The following MYO1B variants were observed in gnomAD, a reference collection of about 807,000 sequenced individuals.
The protein encoded by MYO1B is unconventional myosin-Ib.
Under a neutral mutation model 159.7 loss-of-function variants are expected in MYO1B, and 72 were observed. The observed-to-expected ratio is 0.45, with a 90% CI of 0.37 to 0.55. MYO1B has a LOEUF of 0.55. Ranked by LOEUF, MYO1B falls within the 20% of genes least tolerant of loss-of-function variation. The pLI, the probability that MYO1B is intolerant of heterozygous loss-of-function variation, is 0.00. For missense variants in MYO1B, 1,062 were observed against 1,364.8 expected (o/e 0.78, Z 3.50); for synonymous variants, 468 against 473.8 (o/e 0.99, Z 0.16).
intron 13 of MYO1B, among the ~76,000 whole-genome samples, chr2:191,371,268 C>G (rs1694346491): frequency 6.6e-6 from 1 of 152,060 alleles, no homozygotes; most frequent in South Asian, 2.1e-4. Flanking sequence ...TTTACATGTT[C>G]TAAAAAATTA....
At chr2:191,406,073 C>T (rs76663297) in intron 24 of MYO1B, among the ~76,000 whole-genome samples, 1,542 of 152,302 alleles carry the variant, frequency 0.01, 61 homozygotes, top group Admixed American at 0.076. Context: ...TTCTGGATAA[C>T]TTTCTGCAGC....
intron 3 of MYO1B, among the ~76,000 whole-genome samples, chr2:191,319,212 T>G (rs1236685091): frequency 1.3e-5 from 2 of 152,164 alleles, no homozygotes; most frequent in African/African-American, 2.4e-5. Context: ...CAGAACAGAC[T>G]TGGCATCTTG....
In MYO1B at chr2:191,400,438, G is replaced by A. The variant is rs767501354; in HGVS notation, c.2352G>A (p.Thr784=). 3.1e-6 allele frequency: 5 copies of A among 1,613,918 alleles called. No individual in the cohort carries two copies. The highest frequency in any genetic ancestry group is 3.4e-6 in the Non-Finnish European group (4 of 1,180,030). The change falls in exon 22 of 31, where the codon ACG becomes ACA. Residue 784 remains threonine (T), a synonymous_variant. Coordinates refer to ENST00000392318, the MANE Select transcript of MYO1B (RefSeq NM_001130158.3). ...AAAAGCGCTGTAAGGAAGCAGTCACGACCATTGCTGCATATTGGCATGGGA... is the reference window on the plus strand; with the variant it reads ...AAAAGCGCTGTAAGGAAGCAGTCACAACCATTGCTGCATATTGGCATGGGA... ...KHQKRCKEAV[T]TIAAYWHGTQ...
intron 3 of MYO1B, among the ~76,000 whole-genome samples, chr2:191,316,876 G>A (rs1450779004): frequency 6.6e-6 from 1 of 152,204 alleles, no homozygotes; most frequent in Non-Finnish European, 1.5e-5. Flanking sequence ...CAGTCTTCTA[G>A]CAATTTAATT....
intron 4 of MYO1B, 27 bp downstream of exon 4, chr2:191,330,056 A>C (rs987004739): frequency 6.3e-7 from 1 of 1,596,094 alleles, no homozygotes; most frequent in Admixed American, 1.7e-5. Flanking sequence ...GCAACTCTGC[A>C]GAAGGTAAAT....
At chr2:191,300,110 G>C (rs1372049360) in intron 3 of MYO1B, among the ~76,000 whole-genome samples, 1 of 152,046 alleles carries the variant, frequency 6.6e-6, no homozygotes, top group Middle Eastern at 3.2e-3. Context: ...TTTGAAACAG[G>C]GTCAATGCTA....
chr2:191,364,849 G>A (rs1445570409), intron 11 of MYO1B, among the ~76,000 whole-genome samples: 2 of 152,234 alleles, frequency 1.3e-5, no homozygotes, highest in South Asian at 2.1e-4. Flanking sequence ...ACTTGCTGGT[G>A]CTAGCTGGTT....
chr2:191,325,402 T>C (rs2125905791), intron 3 of MYO1B, among the ~76,000 whole-genome samples: 1 of 152,218 alleles, frequency 6.6e-6, no homozygotes, highest in South Asian at 2.1e-4. Context: ...AATAAGAAGG[T>C]AGAAACAGTT....
intron 2 of MYO1B, among the ~76,000 whole-genome samples, chr2:191,285,075 AC>A (rs1688286000): frequency 1.3e-5 from 2 of 152,120 alleles, no homozygotes; most frequent in South Asian, 4.1e-4. Flanking sequence ...CTTTCAATTA[AC>A]CACAGAAATA....
intron 3 of MYO1B, among the ~76,000 whole-genome samples, chr2:191,310,350 G>A (rs545775063): frequency 6.6e-6 from 1 of 152,256 alleles, no homozygotes; most frequent in Non-Finnish European, 1.5e-5. Context: ...TTACGGGCAT[G>A]TGCCACCACG....
chr2:191,377,951 A>C (rs1476260475), intron 13 of MYO1B: 1 of 152,070 alleles, frequency 6.6e-6, no homozygotes, highest in African/African-American at 2.4e-5. Context: ...TTCTGTGGGG[A>C]AGTAAGTTAA....
intron 6 of MYO1B, among the ~76,000 whole-genome samples, chr2:191,348,274 C>T (rs1316077376): frequency 6.6e-6 from 1 of 152,192 alleles, no homozygotes; most frequent in Non-Finnish European, 1.5e-5. Context: ...ACTCTCAGCT[C>T]ATGATGTTAC....
rs1698111251 is a variant in MYO1B at position 191,424,171 on chromosome 2, C to CT, written c.*212dup. On this transcript the variant is annotated 3_prime_UTR_variant, in exon 31 of 31. Transcript: ENST00000392318. Reference sequence around the variant, plus strand: ...CTGTCCTGGAGCAGGATTGTAGAAACTAACAGTGTCTATTTTCATGTCTGA... The same window carrying CT: ...CTGTCCTGGAGCAGGATTGTAGAAACTTAACAGTGTCTATTTTCATGTCTGA... 1 of 536,434 alleles carries CT rather than the reference C, an allele frequency of 1.9e-6. No individual in the cohort carries two copies. The highest frequency in any genetic ancestry group is 1.9e-5 in the African/African-American group (1 of 52,794). The allele number at this position is 536,434 out of a possible 1,614,324, so 33.2% of individuals were successfully genotyped here. A position where few individuals can be genotyped will look rare whatever the true frequency, so the allele number is the denominator to read the frequency against.
In MYO1B at chr2:191,411,066, T is replaced by C; in HGVS notation, c.2767T>C (p.Cys923Arg). Residue 923 changes from cysteine to arginine, a missense_variant and splice_region_variant, in exon 27 of 31, where the codon TGT becomes CGT. Transcript: ENST00000392318. ...ELKRIFHLWR[C>R]KKYRDQFTDQ... ...GTTTCTTTCTTCTCATATCTCACAG[T>C]GTAAAAAATACAGGGACCAATTCAC... 1 of 1,564,814 alleles carries C rather than the reference T, an allele frequency of 6.4e-7. No homozygotes were observed.
rs1166843846 is a variant in MYO1B, at chr2:191,414,510, G to T, written c.3007-7G>T. The T allele has an allele frequency of 1.9e-6, 3 of 1,596,874 alleles. No homozygotes were observed. Among genetic ancestry groups the T allele is most frequent in the East Asian group, 2.2e-5 (1 of 44,506 alleles). On this transcript the variant is annotated splice_polypyrimidine_tract_variant and splice_region_variant and intron_variant, in intron 28 of 30. Transcript: ENST00000392318. Reference sequence around the variant, plus strand: ...TTGGTTTTATACTATTTTTTATTTTGATTTAGAGTACATCTCGGATTTTCC... The same window carrying T: ...TTGGTTTTATACTATTTTTTATTTTTATTTAGAGTACATCTCGGATTTTCC...
chr2:191,360,052 T>G (rs987263954), intron 7 of MYO1B, among the ~76,000 whole-genome samples: 2 of 152,194 alleles, frequency 1.3e-5, no homozygotes, highest in Non-Finnish European at 2.9e-5. Context: ...ACGTTGCTTC[T>G]CCCAGGTAGT....
At chr2:191,394,792 T>C (rs73984128) in intron 20 of MYO1B, among the ~76,000 whole-genome samples, 2,408 of 152,340 alleles carry the variant, frequency 0.016, 63 homozygotes, top group African/African-American at 0.055. Context: ...TTTTATATCA[T>C]CAGATTTTAA....
intron 1 of MYO1B, among the ~76,000 whole-genome samples, chr2:191,259,693 G>A (rs151176701): frequency 2.0e-5 from 3 of 152,246 alleles, no homozygotes; most frequent in Non-Finnish European, 4.4e-5. Context: ...GAGGTGATTG[G>A]GTCAAAGATT....
chr2:191,297,614 T>C (rs1033713285), intron 3 of MYO1B, among the ~76,000 whole-genome samples: 2 of 152,150 alleles, frequency 1.3e-5, no homozygotes, highest in Admixed American at 6.5e-5. Context: ...CATGTAGATA[T>C]TGATGAGGAA....
Sources: allele counts gnomAD v4.1 joint callset (sites outside exome capture counted in the v4.1 genomes callset), GRCh38; gene constraint gnomAD v4.1.1; transcripts MANE v1.5; gene names NCBI Gene and HGNC (gene_info 2026-07-23, HGNC 2026-07-21).